The following FAM234B variants were observed in gnomAD, a reference collection of about 807,000 sequenced individuals.
The protein encoded by FAM234B is family with sequence similarity 234 member B, also known as protein FAM234B.
In FAM234B, 33 loss-of-function variants were observed where a neutral mutation model predicts 69.3. That is an observed-to-expected ratio of 0.48 (90% CI 0.36 to 0.64). The LOEUF (loss-of-function observed/expected upper bound fraction) is 0.64, where lower values mean the gene tolerates loss of function less well. FAM234B is among the 30% of genes least tolerant of loss of function. The pLI is 0.00. For synonymous variants in FAM234B, 306 were observed against 306.9 expected (o/e 1.00, Z 0.03); for missense variants, 697 against 769.7 (o/e 0.91, Z 1.12).
intron 7 of FAM234B, 68 bp from the exon 8 acceptor site, chr12:13,068,236 G>A (rs1162249593): frequency 6.3e-7 from 1 of 1,584,216 alleles, no homozygotes; most frequent in Admixed American, 1.7e-5. Context: ...GAGAGAAAAA[G>A]CCAAAGTAAA....
intron 9 of FAM234B, 139 bp downstream of exon 9, chr12:13,068,850 T>A (rs1397411666): frequency 7.1e-6 from 4 of 561,288 alleles, no homozygotes; most frequent in Non-Finnish European, 1.3e-5. Flanking sequence ...TCTCATTGAG[T>A]GGATAAAATG....
chr12:13,080,727 T>C lies in FAM234B; in HGVS notation c.*97T>C. Reference sequence around the variant, plus strand: ...ATCAGTTCTATGGAGAGAAGACTTCTTCGTCCTCATTTACCACCTCCCTGA... The same window carrying C: ...ATCAGTTCTATGGAGAGAAGACTTCCTCGTCCTCATTTACCACCTCCCTGA... On this transcript the variant is annotated 3_prime_UTR_variant, in exon 13 of 13. Transcript: ENST00000197268. The C allele has an allele frequency of 9.6e-7, 1 of 1,040,260 alleles. No individual in the cohort carries two copies. The allele number at this position is 1,040,260 out of a possible 1,614,324, so 64.4% of individuals were successfully genotyped here. A position where few individuals can be genotyped will look rare whatever the true frequency, so the allele number is the denominator to read the frequency against.
Position 13,068,304 on chromosome 12 carries a change from T to C in FAM234B, c.1143T>C (p.Ser381=). Residue 381 remains serine (S), a splice_region_variant and synonymous_variant, in exon 8 of 13, where the codon AGT becomes AGC. Transcript: ENST00000197268. The part of the protein sequence containing the change: ...INLSELIDVY[S]DGVELLQMVK... ...ACCGTTGGGGTCTTATTTAACCCAG[T>C]GATGGTGTTGAACTACTCCAGATGG... is the stretch of plus-strand genomic sequence containing the variant. 1 of 1,614,094 alleles carries C rather than the reference T, an allele frequency of 6.2e-7. No individual in the cohort carries two copies. The highest frequency in any genetic ancestry group is 1.1e-5 in the South Asian group (1 of 91,074).
chr12:13,080,117 T>C (rs1865208343), intron 12 of FAM234B, 108 bp downstream of exon 12: 1 of 766,828 alleles, frequency 1.3e-6, no homozygotes, highest in Non-Finnish European at 2.1e-6. Flanking sequence ...CTTGAGTAGA[T>C]GTGTATCAAG....
chr12:13,048,995 C>T (rs1046826291), intron 1 of FAM234B, among the ~76,000 whole-genome samples: 1 of 152,170 alleles, frequency 6.6e-6, no homozygotes, highest in African/African-American at 2.4e-5. Flanking sequence ...ATTCAGTTAT[C>T]TCCCACTGGG....
chr12:13,079,880 C>G lies in FAM234B; in HGVS notation c.1734C>G (p.Ser578Arg), dbSNP rs144544357. The change falls in exon 12 of 13, where the codon AGC becomes AGG. Residue 578 changes from serine (S) to arginine (R), a missense_variant. Around this residue, in one of 3 missense-constraint regions of FAM234B, gnomAD observed 313 missense variants for 305.5 expected, o/e 1.02. Coordinates refer to ENST00000197268, the MANE Select transcript of FAM234B (RefSeq NM_020853.2). ...SEGHPAALVV[S>R]KLSLRWALME... ...GCCATCCAGCAGCCCTGGTGGTCAG[C>G]AAGCTTAGTCTACGGTGGGCACTAA... is the stretch of plus-strand genomic sequence containing the variant. The G allele has an allele frequency of 5.2e-5, 84 of 1,614,080 alleles. No individual in the cohort carries two copies. In the South Asian group the frequency reaches 8.3e-4, roughly 16 times the overall value.
chr12:13,056,607 A>G (rs1369337021), intron 2 of FAM234B, among the ~76,000 whole-genome samples: 1 of 152,146 alleles, frequency 6.6e-6, no homozygotes, highest in Non-Finnish European at 1.5e-5. Flanking sequence ...AGAAATGTTT[A>G]TCTCTGCCAC....
chr12:13,046,061 C>T (rs888789923), intron 1 of FAM234B, among the ~76,000 whole-genome samples: 3 of 152,118 alleles, frequency 2.0e-5, no homozygotes, highest in African/African-American at 7.2e-5. Flanking sequence ...TGGCCCTGAG[C>T]CCTGAGGTAT....
rs958199551 is a variant in FAM234B at position 13,067,324 on chromosome 12, A to G, written c.1142+28A>G. ...AGGGCAGACGTCTGTCCTTGGTCACAGTGAGATCTCTTGTGAACTCACATG... is the reference window on the plus strand; with the variant it reads ...AGGGCAGACGTCTGTCCTTGGTCACGGTGAGATCTCTTGTGAACTCACATG... On this transcript the variant is annotated intron_variant, in intron 7 of 12. Transcript: ENST00000197268. This position sits in a 1 kb window ranked among gnomAD's most constrained non-coding sequence, Gnocchi z 4.7. 6.2e-7 allele frequency: 1 copy of G among 1,613,108 alleles called. No individual in the cohort carries two copies. The highest frequency in any genetic ancestry group is 8.5e-7 in the Non-Finnish European group (1 of 1,179,178).
intron 3 of FAM234B, among the ~76,000 whole-genome samples, chr12:13,059,276 G>A (rs1371669254): frequency 6.6e-6 from 1 of 152,172 alleles, no homozygotes; most frequent in Non-Finnish European, 1.5e-5. Context: ...TTCCTTTTCT[G>A]GATTCCAGTA....
chr12:13,054,411 G>A lies in FAM234B; in HGVS notation c.38-1140G>A, dbSNP rs1350176045. Among the ~76,000 whole-genome samples, 4 of 152,218 alleles carry A rather than the reference G, an allele frequency of 2.6e-5. No individual in the cohort carries two copies. In the South Asian group the frequency reaches 6.2e-4, roughly 24 times the overall value. On this transcript the variant is annotated intron_variant, in intron 1 of 12. Coordinates refer to ENST00000197268, the MANE Select transcript of FAM234B (RefSeq NM_020853.2). ...CTCCATTTGGGGTCCTTGCCTTCCC[G>A]CAACAATCTGGTCTCCATATAGTGT...
chr12:13,068,609 T>C (rs1865067748), intron 8 of FAM234B, 21 bp from the exon 9 acceptor site: 3 of 1,603,340 alleles, frequency 1.9e-6, no homozygotes, highest in East Asian at 4.5e-5. Context: ...TATTGATTGC[T>C]TACTTTGTCC....
chr12:13,047,189 A>G (rs142175077), intron 1 of FAM234B, among the ~76,000 whole-genome samples: 1 of 152,234 alleles, frequency 6.6e-6, no homozygotes, highest in Non-Finnish European at 1.5e-5. Context: ...TTTGGCTCAC[A>G]TGCATAAAAT....
chr12:13,064,248 C>T (rs1056328104), intron 5 of FAM234B, among the ~76,000 whole-genome samples: 9 of 152,270 alleles, frequency 5.9e-5, no homozygotes, highest in African/African-American at 1.4e-4. Flanking sequence ...AAAGTGGACC[C>T]GAACCAAGGA....
intron 1 of FAM234B, among the ~76,000 whole-genome samples, chr12:13,047,401 A>G (rs1479315568): frequency 6.6e-6 from 1 of 152,170 alleles, no homozygotes; most frequent in Admixed American, 6.5e-5. Context: ...GGGTAAACTA[A>G]CCCATGATAT....
chr12:13,052,868 A>G (rs772367951), intron 1 of FAM234B, among the ~76,000 whole-genome samples: 21 of 152,250 alleles, frequency 1.4e-4, no homozygotes, highest in Non-Finnish European at 2.5e-4. Context: ...AAACAAGAAC[A>G]AACAATCACT....
At chr12:13,078,618 A>G (rs1865188802) in intron 11 of FAM234B, among the ~76,000 whole-genome samples, 1 of 152,236 alleles carries the variant, frequency 6.6e-6, no homozygotes, top group Non-Finnish European at 1.5e-5. Context: ...TGCAGATGAC[A>G]TGATTGCATA....
rs1317839757 is a variant in FAM234B, at chr12:13,081,765, C to G, written c.*1135C>G. 6.6e-6 allele frequency: 1 copy of G among 152,050 alleles called. No individual in the cohort carries two copies. The highest frequency in any genetic ancestry group is 6.6e-5 in the Admixed American group (1 of 15,246). The allele number at this position is 152,050 out of a possible 1,614,324, so 9.4% of individuals were successfully genotyped here. ...TGGTTAAGTTATTTAGAATTATCTC[C>G]AGTGCTTACTTCTCCCTTCTTCTGT... On this transcript the variant is annotated 3_prime_UTR_variant, in exon 13 of 13. Transcript: ENST00000197268.
At chr12:13,048,383 A>G (rs573992281) in intron 1 of FAM234B, among the ~76,000 whole-genome samples, 1 of 152,254 alleles carries the variant, frequency 6.6e-6, no homozygotes, top group Non-Finnish European at 1.5e-5. Flanking sequence ...GATATATTTC[A>G]GTATTGATTC....
Sources: allele counts gnomAD v4.1 joint callset (sites outside exome capture counted in the v4.1 genomes callset), GRCh38; gene constraint gnomAD v4.1.1; regional missense constraint gnomAD v4.1.1; non-coding constraint Gnocchi (gnomAD v3.1); transcripts MANE v1.5; gene names NCBI Gene and HGNC (gene_info 2026-07-23, HGNC 2026-07-21).